The following CUL4B variants were observed in gnomAD, a reference collection of about 807,000 sequenced individuals.
CUL4B encodes cullin-4B.
A neutral mutation model predicts 69.2 loss-of-function variants in CUL4B; 1 was observed. The observed-to-expected ratio is 0.01, with a 90% CI of 0.01 to 0.07. The LOEUF is 0.07. CUL4B is among the 10% of genes least tolerant of loss of function. The pLI is 1.00. For synonymous variants in CUL4B, 237 were observed against 223.2 expected, an observed-to-expected ratio of 1.06 and a Z score of -0.55; for missense variants, 328 against 638.8, an observed-to-expected ratio of 0.51 and a Z score of 5.24.
At chrX:120,539,141 T>A in intron 12 of CUL4B, 127 bp downstream of exon 12, 1 of 464,464 alleles carries the variant, frequency 2.2e-6, no homozygotes, top group Non-Finnish European at 3.6e-6. Context: ...ATCCCCCCAA[T>A]GAATTAAACA....
upstream of CUL4B, among the ~76,000 whole-genome samples, chrX:120,561,898 T>A (rs1048632200): frequency 9.0e-6 from 1 of 110,968 alleles, no homozygotes; most frequent in East Asian, 2.8e-4. Context: ...CGGTATAAAT[T>A]GTTTCTCTTT....
intron 10 of CUL4B, 105 bp downstream of exon 10, chrX:120,541,497 C>T: frequency 1.7e-6 from 1 of 600,325 alleles, no homozygotes; most frequent in Non-Finnish European, 2.8e-6. Flanking sequence ...AAAACTCTGT[C>T]TCAAAAAAAA....
upstream of CUL4B, among the ~76,000 whole-genome samples, chrX:120,565,818 C>T (rs1460440085): frequency 2.0e-5 from 2 of 99,629 alleles, no homozygotes; most frequent in African/African-American, 7.3e-5. Context: ...CTCCGCCTCC[C>T]GGGTTCATGC....
chrX:120,546,984 C>A, intron 3 of CUL4B, 152 bp downstream of exon 3: 1 of 468,019 alleles, frequency 2.1e-6, no homozygotes, highest in South Asian at 3.1e-5. Flanking sequence ...GCTGAAAAGT[C>A]AAAATGTGTT....
At chrX:120,566,369 A>ATGTATATATATATATATATATACG (rs1187917327), upstream of CUL4B, among the ~76,000 whole-genome samples, 1 of 56,465 alleles carries the variant, frequency 1.8e-5, no homozygotes, top group African/African-American at 5.3e-5. Context: ...ATATATATAT[A>ATGTATATATATATATATATATACG]TATATATATA....
Position 120,539,389 on chromosome X carries a change from G to A in CUL4B, c.1637-17C>T. 9.5e-7 allele frequency: 1 copy of A among 1,048,319 alleles called. No individual in the cohort carries two copies. The highest frequency in any genetic ancestry group is 1.3e-6 in the Non-Finnish European group (1 of 751,715). The allele number at this position is 1,048,319 out of a possible 1,213,427, so 86.4% of individuals were successfully genotyped here. A position where few individuals can be genotyped will look rare whatever the true frequency, so the allele number is the denominator to read the frequency against. On this transcript the variant is annotated splice_polypyrimidine_tract_variant and intron_variant, in intron 11 of 19. Coordinates refer to ENST00000371322, the MANE Select transcript of CUL4B (RefSeq NM_001079872.2). ...CATACTTAGCTAAAATGGGGGAAAA[G>A]TTTGTTGTTTAATAACCGGGGAATA... is the stretch of plus-strand genomic sequence containing the variant.
At chrX:120,557,145 A>T (rs1925025333) in intron 2 of CUL4B, among the ~76,000 whole-genome samples, 1 of 111,094 alleles carries the variant, frequency 9.0e-6, no homozygotes, top group Non-Finnish European at 1.9e-5. Context: ...TCCTGACCTC[A>T]GGTGATCTGC....
intron 1 of CUL4B, among the ~76,000 whole-genome samples, chrX:120,558,866 A>G (rs1925129263): frequency 8.9e-6 from 1 of 111,995 alleles, no homozygotes; most frequent in Non-Finnish European, 1.9e-5. Context: ...CCAGGATCAT[A>G]ACTCATTTAA....
intron 18 of CUL4B, among the ~76,000 whole-genome samples, chrX:120,531,661 T>C (rs1923327084): frequency 9.1e-6 from 1 of 110,273 alleles, no homozygotes. Context: ...GGTATCGCCA[T>C]GTTGGCCAAG....
intron 2 of CUL4B, among the ~76,000 whole-genome samples, chrX:120,548,659 C>T (rs1480401168): frequency 3.6e-5 from 4 of 109,782 alleles, no homozygotes; most frequent in Admixed American, 9.8e-5. Flanking sequence ...CATAGTGAAA[C>T]CCCGTCTCCA....
chrX:120,535,693 AG>A, intron 16 of CUL4B, 136 bp downstream of exon 16: 1 of 403,703 alleles, frequency 2.5e-6, no homozygotes, highest in Non-Finnish European at 4.1e-6. Context: ...TGACAGAGTG[AG>A]ACTCTGTCTC....
intron 13 of CUL4B, 21 bp downstream of exon 13, chrX:120,538,639 C>G: frequency 2.0e-6 from 2 of 1,009,450 alleles, no homozygotes; most frequent in Non-Finnish European, 1.4e-6. Flanking sequence ...AGAAAAGGAA[C>G]AGAAAGAATG....
At chrX:120,528,726 A>T (rs1277585052) in intron 19 of CUL4B, among the ~76,000 whole-genome samples, 1 of 111,679 alleles carries the variant, frequency 9.0e-6, no homozygotes, top group Non-Finnish European at 1.9e-5. Flanking sequence ...ATCTCAAAAA[A>T]AAACTACATG....
chrX:120,555,740 G>C (rs1159100088), intron 2 of CUL4B, among the ~76,000 whole-genome samples: 1 of 109,328 alleles, frequency 9.1e-6, no homozygotes, highest in Non-Finnish European at 1.9e-5. Flanking sequence ...TCAGGAGTTC[G>C]AGATCAGCCC....
chrX:120,572,248 G>T (rs1925730245), intron 2 of CUL4B, among the ~76,000 whole-genome samples: 1 of 109,440 alleles, frequency 9.1e-6, no homozygotes, highest in Non-Finnish European at 1.9e-5. Flanking sequence ...TGGGTCACTT[G>T]AAGTCAGGAG....
intron 13 of CUL4B, 93 bp from the exon 14 acceptor site, chrX:120,538,302 T>A (rs1424438147): frequency 1.8e-6 from 1 of 561,447 alleles, no homozygotes; most frequent in Non-Finnish European, 2.9e-6. Context: ...AACTTTAGTA[T>A]GAAGTATGAT....
chrX:120,545,467 C>T lies in CUL4B; in HGVS notation c.897G>A (p.Gln299=). 1 of 1,180,861 alleles carries T rather than the reference C, an allele frequency of 8.5e-7. No individual in the cohort carries two copies. The highest frequency in any genetic ancestry group is 1.1e-6 in the Non-Finnish European group (1 of 875,041). Reference sequence around the variant, plus strand: ...ACCAAATGGAGGGTAGCATTGAATTCTGAAGAACGTAAGTTCTATCCAGAA... The same window carrying T: ...ACCAAATGGAGGGTAGCATTGAATTTTGAAGAACGTAAGTTCTATCCAGAA... ...FLFLDRTYVL[Q]NSMLPSIWDM... is the part of the protein sequence containing the mutation. Residue 299 remains glutamine, a synonymous_variant, in exon 5 of 20, where the codon CAG becomes CAA. Coordinates refer to ENST00000371322, the MANE Select transcript of CUL4B (RefSeq NM_001079872.2).
chrX:120,570,424 A>G (rs1339437576), downstream of CUL4B, among the ~76,000 whole-genome samples: 2 of 112,423 alleles, frequency 1.8e-5, no homozygotes, highest in African/African-American at 3.2e-5. Context: ...TTATTTGCCT[A>G]TGTATTTTCT....
chrX:120,566,364 T>C (rs1328470962), upstream of CUL4B, among the ~76,000 whole-genome samples: 3 of 57,560 alleles, frequency 5.2e-5, no homozygotes, highest in Non-Finnish European at 1.1e-4. Flanking sequence ...TATATATATA[T>C]ATATATATAT....
Sources: allele counts gnomAD v4.1 joint callset (sites outside exome capture counted in the v4.1 genomes callset), GRCh38; gene constraint gnomAD v4.1.1; transcripts MANE v1.5; gene names NCBI Gene and HGNC (gene_info 2026-07-23, HGNC 2026-07-21).